The following PTCD1 variants were observed in gnomAD, a reference collection of about 807,000 sequenced individuals.
The protein encoded by PTCD1 is pentatricopeptide repeat domain 1, also known as pentatricopeptide repeat-containing protein 1, mitochondrial.
A neutral mutation model predicts 53.4 loss-of-function variants in PTCD1; 50 were observed. That is an observed-to-expected ratio of 0.94 (90% CI 0.75 to 1.19). The LOEUF is 1.19. Ranked by LOEUF, PTCD1 falls within the 50% of genes most tolerant of loss-of-function variation. PTCD1 has a pLI of 0.00. For synonymous variants in PTCD1, 413 were observed against 394.8 expected (o/e 1.05, Z -0.55); for missense variants, 918 against 904.8 (o/e 1.01, Z -0.19).
In PTCD1 at chr7:99,423,961, G is replaced by T; in HGVS notation, c.1738-4C>A. On this transcript the variant is annotated splice_region_variant and splice_polypyrimidine_tract_variant and intron_variant, in intron 6 of 7. Transcript: ENST00000292478. ...TGTTGGGGGTCACCTGGGACTTCTA[G>T]AACACAGGGACATCGTAGAATCAAG... 1 of 1,613,974 alleles carries T rather than the reference G, an allele frequency of 6.2e-7. No homozygotes were observed. The highest frequency in any genetic ancestry group is 8.5e-7 in the Non-Finnish European group (1 of 1,179,920).
chr7:99,428,841 C>T (rs1225973999), intron 5 of PTCD1, among the ~76,000 whole-genome samples: 1 of 135,142 alleles, frequency 7.4e-6, no homozygotes, highest in Non-Finnish European at 1.6e-5. Context: ...GTGTGGCAGG[C>T]TTTCAAGGAA....
At chr7:99,438,659 C>T in intron 1 of PTCD1, 33 bp downstream of exon 1, 2 of 1,242,112 alleles carry the variant, frequency 1.6e-6, no homozygotes, top group Non-Finnish European at 2.1e-6. Context: ...GCCCGGGTCC[C>T]GGGGCTCCTG....
chr7:99,425,435 GTCC>G lies in PTCD1; in HGVS notation c.1094_1096del (p.Arg365del). On this transcript the variant is annotated inframe_deletion, in exon 6 of 8. Coordinates refer to ENST00000292478, the MANE Select transcript of PTCD1 (RefSeq NM_015545.4). ...GAGGTTGCCTGCCTTGGCCTGGGCT[GTCC>G]TCCTTGGCCGCTGCCTGCTCACTGG... The G allele has an allele frequency of 6.2e-7, 1 of 1,614,020 alleles. No individual in the cohort carries two copies.
Position 99,434,838 on chromosome 7 carries a change from G to A in PTCD1, c.405C>T (p.Thr135=). 3 of 1,614,134 alleles carry A rather than the reference G, an allele frequency of 1.9e-6. No homozygotes were observed. The highest frequency in any genetic ancestry group is 2.5e-6 in the Non-Finnish European group (3 of 1,180,032). ...TGCACTGCAAGAAGTACCAGTACGG[G>A]GTGTTTCTCCGGCCTCGCCATAATT... ...EPKLWRGRRN[T]PYWYFLQCKH... Residue 135 remains threonine, a synonymous_variant, in exon 2 of 8, where the codon ACC becomes ACT. Transcript: ENST00000292478.
Position 99,419,838 on chromosome 7 carries a change from CCTGTGACACG to C in PTCD1, c.*119_*128del. The C allele has an allele frequency of 2.7e-6, 4 of 1,508,790 alleles. No individual in the cohort carries two copies. Among genetic ancestry groups the C allele is most frequent in the Non-Finnish European group, 3.6e-6 (4 of 1,108,846 alleles). The allele number at this position is 1,508,790 out of a possible 1,614,324, so 93.5% of individuals were successfully genotyped here. A position where few individuals can be genotyped will look rare whatever the true frequency, so the allele number is the denominator to read the frequency against. On this transcript the variant is annotated 3_prime_UTR_variant, in exon 8 of 8. Coordinates refer to ENST00000292478, the MANE Select transcript of PTCD1 (RefSeq NM_015545.4). ...GGCCTAGTGTGTGTCCTCACCAACA[CCTGTGACACG>C]CTGCGGCTGTTCCTCAGGGCCTGGC...
chr7:99,425,533 G>A lies in PTCD1; in HGVS notation c.999C>T (p.Gly333=). 6.2e-7 allele frequency: 1 copy of A among 1,612,586 alleles called. No individual in the cohort carries two copies. Residue 333 remains glycine (G), a synonymous_variant, in exon 6 of 8, where the codon GGC becomes GGT. Coordinates refer to ENST00000292478, the MANE Select transcript of PTCD1 (RefSeq NM_015545.4). Reference sequence around the variant, plus strand: ...CTGAGGCCACCTGGGGGTCCCCTAGGCCACAGTCCCGAGCTGCCACCAACA... The same window carrying A: ...CTGAGGCCACCTGGGGGTCCCCTAGACCACAGTCCCGAGCTGCCACCAACA... ...NLLLVAARDC[G]LGDPQVASEL...
rs1307635162 is a variant in PTCD1 at position 99,424,920 on chromosome 7, C to A, written c.1612G>T (p.Gly538Trp). Residue 538 changes from glycine to tryptophan, a missense_variant, in exon 6 of 8, where the codon GGG becomes TGG. Transcript: ENST00000292478. ...RKKSKLGDLEGAKALLPVLAK... is the reference protein window; with the variant it reads ...RKKSKLGDLEWAKALLPVLAK... ...AGGACCGGCAACAGCGCCTTGGCCC[C>A]CTCCAGGTCTCCCAGCTTGCTCTTC... The A allele has an allele frequency of 6.2e-7, 1 of 1,614,272 alleles. No homozygotes were observed. Among genetic ancestry groups the A allele is most frequent in the Non-Finnish European group, 8.5e-7 (1 of 1,180,048 alleles).
At chr7:99,430,115 AC>A (rs761946753) in intron 3 of PTCD1, among the ~76,000 whole-genome samples, 3 of 152,170 alleles carry the variant, frequency 2.0e-5, no homozygotes, top group East Asian at 1.9e-4. Context: ...CCTTCAGGCC[AC>A]CCCGTCAAGG....
Position 99,429,766 on chromosome 7 carries a change from G to C in PTCD1, c.635C>G (p.Thr212Arg). 1 of 1,614,224 alleles carries C rather than the reference G, an allele frequency of 6.2e-7. No individual in the cohort carries two copies. Among genetic ancestry groups the C allele is most frequent in the Non-Finnish European group, 8.5e-7 (1 of 1,180,046 alleles). The stretch of plus-strand genomic sequence containing the variant: ...CTCGGCACAGACGTTGAACAGGGCC[G>C]TGTAGGTGGCGTCCGAGGGCTCCAG... ...RDLEPSDATY[T>R]ALFNVCAESP... Residue 212 changes from threonine to arginine, a missense_variant, in exon 4 of 8, where the codon ACG becomes AGG. By Grantham distance (71) the Thr-to-Arg change is moderately conservative. Transcript: ENST00000292478.
In PTCD1 at chr7:99,419,830, C is replaced by A; in HGVS notation, c.*137G>T. 1 of 1,468,906 alleles carries A rather than the reference C, an allele frequency of 6.8e-7. No homozygotes were observed. The highest frequency in any genetic ancestry group is 9.3e-7 in the Non-Finnish European group (1 of 1,078,382). The allele number at this position is 1,468,906 out of a possible 1,614,324, so 91.0% of individuals were successfully genotyped here. ...GCACCTTGGGCCTAGTGTGTGTCCT[C>A]ACCAACACCTGTGACACGCTGCGGC... On this transcript the variant is annotated 3_prime_UTR_variant, in exon 8 of 8. Transcript: ENST00000292478.
rs751851718 is a variant in PTCD1, at chr7:99,417,313, A to G, written c.*2654T>C. ...GGTGATCCGCCTGCCTCGGCCTCCC[A>G]AAGTGCTGGGATTACAGGTGTGAGC... On this transcript the variant is annotated 3_prime_UTR_variant, in exon 8 of 8. Coordinates refer to ENST00000292478, the MANE Select transcript of PTCD1 (RefSeq NM_015545.4). The G allele has an allele frequency of 1.8e-5, 20 of 1,083,244 alleles. No homozygotes were observed. The highest frequency in any genetic ancestry group is 3.1e-5 in the African/African-American group (2 of 64,010). 67.1% of individuals were successfully genotyped at this position (1,083,244 alleles called of 1,614,324 possible). A position where few individuals can be genotyped will look rare whatever the true frequency, so the allele number is the denominator to read the frequency against.
intron 5 of PTCD1, among the ~76,000 whole-genome samples, chr7:99,427,283 G>GC (rs1796078735): frequency 1.5e-5 from 2 of 130,088 alleles, no homozygotes; most frequent in Admixed American, 7.6e-5. Context: ...TGCCCGGCTA[G>GC]CACCCCGTCC....
Position 99,434,845 on chromosome 7 carries a change from C to G in PTCD1, c.398G>C (p.Arg133Thr), listed in dbSNP as rs2150961197. The change falls in exon 2 of 8, where the codon AGA (arginine) becomes ACA (threonine). Residue 133 changes from arginine to threonine, a missense_variant. By Grantham distance (71) the Arg-to-Thr change is moderately conservative (BLOSUM62 -1). Coordinates refer to ENST00000292478, the MANE Select transcript of PTCD1 (RefSeq NM_015545.4). ...CAAGAAGTACCAGTACGGGGTGTTTCTCCGGCCTCGCCATAATTTGGGCTC... is the reference window on the plus strand; with the variant it reads ...CAAGAAGTACCAGTACGGGGTGTTTGTCCGGCCTCGCCATAATTTGGGCTC... The part of the protein sequence containing the change: ...EPEPKLWRGR[R>T]NTPYWYFLQC... 1 of 1,614,204 alleles carries G rather than the reference C, an allele frequency of 6.2e-7. No individual in the cohort carries two copies. Among genetic ancestry groups the G allele is most frequent in the Non-Finnish European group, 8.5e-7 (1 of 1,180,036 alleles).
chr7:99,431,781 C>T (rs1221544580), intron 3 of PTCD1, among the ~76,000 whole-genome samples: 3 of 152,166 alleles, frequency 2.0e-5, no homozygotes, highest in Non-Finnish European at 1.5e-5. Flanking sequence ...AGAGATCAGA[C>T]TGTTACTGTG....
At chr7:99,437,741 T>G (rs1796541456) in intron 1 of PTCD1, among the ~76,000 whole-genome samples, 1 of 152,086 alleles carries the variant, frequency 6.6e-6, no homozygotes, top group Admixed American at 6.6e-5. Flanking sequence ...CTCGGCTCAA[T>G]GCAACCTCTG....
intron 3 of PTCD1, among the ~76,000 whole-genome samples, chr7:99,432,608 G>A (rs1015566815): frequency 3.4e-5 from 5 of 149,100 alleles, no homozygotes; most frequent in South Asian, 2.1e-4. Flanking sequence ...CTCCGTATGC[G>A]CAGGTCCTCC....
chr7:99,428,101 T>TAA (rs755369723), intron 5 of PTCD1, among the ~76,000 whole-genome samples: 15 of 121,442 alleles, frequency 1.2e-4, no homozygotes, highest in Admixed American at 1.7e-4. Context: ...GAATGATCAA[T>TAA]AAAAAAAAAA....
chr7:99,417,948 T>C lies in PTCD1; in HGVS notation c.*2019A>G. 2 of 1,227,406 alleles carry C rather than the reference T, an allele frequency of 1.6e-6. No homozygotes were observed. The highest frequency in any genetic ancestry group is 1.0e-6 in the Non-Finnish European group (1 of 970,474). The allele number at this position is 1,227,406 out of a possible 1,614,324, so 76.0% of individuals were successfully genotyped here. On this transcript the variant is annotated 3_prime_UTR_variant, in exon 8 of 8. Coordinates refer to ENST00000292478, the MANE Select transcript of PTCD1 (RefSeq NM_015545.4). The stretch of plus-strand genomic sequence containing the variant: ...CTGTCCCTTTCAGTCCTCACAGTGA[T>C]ACTTTAACATTACCATCACTATCTT...
chr7:99,423,432 T>C (rs1036330834), intron 7 of PTCD1, among the ~76,000 whole-genome samples: 1 of 152,160 alleles, frequency 6.6e-6, no homozygotes, highest in African/African-American at 2.4e-5. Flanking sequence ...TGGGCATGTC[T>C]GAGGGCCACT....
Sources: gnomAD v4.1 joint callset for allele counts (sites outside exome capture counted in the v4.1 genomes callset) on GRCh38, gnomAD v4.1.1 for gene constraint, MANE v1.5 for transcripts, NCBI Gene and HGNC (gene_info 2026-07-23, HGNC 2026-07-21) for gene names.